GPC5: variants seen among roughly 807,000 people sequenced by gnomAD.
The protein encoded by GPC5 is glypican-5.
A neutral mutation model predicts 53.9 loss-of-function variants in GPC5; 47 were observed. The ratio of observed to expected loss-of-function variants is 0.87; its 90% CI spans 0.69 to 1.11. The LOEUF (loss-of-function observed/expected upper bound fraction) is 1.11. GPC5 is among the 50% of genes most tolerant of loss of function. The pLI is 0.00. For synonymous variants in GPC5, 286 were observed against 263.3 expected (o/e 1.09, Z -0.84); for missense variants, 748 against 713.1 (o/e 1.05, Z -0.56).
At chr13:91,407,772 G>A (rs1001541034) in intron 1 of GPC5, among the ~76,000 whole-genome samples, 1 of 152,070 alleles carries the variant, frequency 6.6e-6, no homozygotes, top group East Asian at 1.9e-4. Flanking sequence ...ATCAACCAGA[G>A]GGACCACAGT....
intron 7 of GPC5, among the ~76,000 whole-genome samples, chr13:92,600,271 T>C (rs1315029333): frequency 1.3e-5 from 2 of 152,208 alleles, no homozygotes; most frequent in Non-Finnish European, 2.9e-5. Flanking sequence ...TATTTCATCA[T>C]CTTGTATGTG....
At chr13:92,422,509 C>G in intron 7 of GPC5, among the ~76,000 whole-genome samples, 1 of 150,668 alleles carries the variant, frequency 6.6e-6, no homozygotes, top group East Asian at 2.0e-4. Context: ...CACACACACA[C>G]ACACACACAC....
At chr13:92,726,230 T>G (rs763338269) in intron 7 of GPC5, among the ~76,000 whole-genome samples, 2 of 151,574 alleles carry the variant, frequency 1.3e-5, no homozygotes, top group Non-Finnish European at 3.0e-5. Flanking sequence ...CCCATCATGA[T>G]CTCCTGAAAC....
At chr13:92,606,494 A>T (rs1371472702) in intron 7 of GPC5, among the ~76,000 whole-genome samples, 1 of 152,194 alleles carries the variant, frequency 6.6e-6, no homozygotes, top group Non-Finnish European at 1.5e-5. Context: ...TCATTTGTGG[A>T]CATTTGGGTT....
chr13:91,484,718 G>C (rs1883494803), intron 2 of GPC5, among the ~76,000 whole-genome samples: 1 of 152,090 alleles, frequency 6.6e-6, no homozygotes, highest in African/African-American at 2.4e-5. Context: ...ATAACTTTTA[G>C]TTTTAAAATA....
chr13:92,479,292 G>C (rs1879264046), intron 7 of GPC5, among the ~76,000 whole-genome samples: 1 of 152,182 alleles, frequency 6.6e-6, no homozygotes. Flanking sequence ...TGACTAAGGA[G>C]ATGCAAGGAG....
intron 6 of GPC5, among the ~76,000 whole-genome samples, chr13:91,965,486 C>T (rs1044261554): frequency 6.6e-5 from 10 of 152,162 alleles, no homozygotes; most frequent in African/African-American, 2.2e-4. Flanking sequence ...CCCAGTTTTT[C>T]TCTCTGTATA....
intron 7 of GPC5, among the ~76,000 whole-genome samples, chr13:92,737,168 G>A (rs1888957957): frequency 6.6e-6 from 1 of 152,012 alleles, no homozygotes; most frequent in African/African-American, 2.4e-5. Context: ...TGTACAGACA[G>A]CGAGTATATA....
chr13:92,236,852 T>TG (rs2042574155), intron 7 of GPC5, among the ~76,000 whole-genome samples: 1 of 152,048 alleles, frequency 6.6e-6, no homozygotes, highest in Middle Eastern at 3.4e-3. Context: ...CAGCATTTTT[T>TG]TTTTGTTTTG....
At chr13:91,687,092 G>A (rs984793559) in intron 2 of GPC5, among the ~76,000 whole-genome samples, 2 of 151,584 alleles carry the variant, frequency 1.3e-5, no homozygotes, top group Admixed American at 6.6e-5. Flanking sequence ...ATATTAAAAG[G>A]GTCATAAAAT....
chr13:92,627,677 T>C (rs73623431), intron 7 of GPC5, among the ~76,000 whole-genome samples: 38,838 of 152,128 alleles, frequency 0.26, 5,144 homozygotes, highest in African/African-American at 0.31. Flanking sequence ...AAGGTTTCTT[T>C]TTTGTTTACA....
intron 5 of GPC5, among the ~76,000 whole-genome samples, chr13:91,805,389 A>C (rs2038204135): frequency 6.6e-6 from 1 of 152,188 alleles, no homozygotes. Context: ...GGAAAGGAAA[A>C]TATAATATTT....
At chr13:92,682,684 CAA>C (rs1436581995) in intron 7 of GPC5, among the ~76,000 whole-genome samples, 1 of 152,024 alleles carries the variant, frequency 6.6e-6, no homozygotes, top group African/African-American at 2.4e-5. Context: ...CATGATAGAA[CAA>C]AAGATCTATA....
rs534149539 is a variant in GPC5 at position 92,085,859 on chromosome 13, CA to C, written c.1402-58970del. Among the ~76,000 whole-genome samples the C allele has an allele frequency of 2.0e-5, 3 of 152,160 alleles. No individual in the cohort carries two copies. In the East Asian group the frequency reaches 5.8e-4, roughly 29 times the overall value. On this transcript the variant is annotated intron_variant, in intron 6 of 7. Transcript: ENST00000377067. ...TGCTGATCTGACAGGAGGAGGAGCT[CA>C]GGGGGTAACAAGAGCCATGAGGAGC...
At chr13:91,826,467 C>A (rs1488935288) in intron 5 of GPC5, among the ~76,000 whole-genome samples, 1 of 151,930 alleles carries the variant, frequency 6.6e-6, no homozygotes, top group Non-Finnish European at 1.5e-5. Context: ...GAGGTCAATT[C>A]TCCCCTAAAT....
intron 2 of GPC5, among the ~76,000 whole-genome samples, chr13:91,690,887 G>A (rs2035743138): frequency 6.6e-6 from 1 of 152,160 alleles, no homozygotes; most frequent in Non-Finnish European, 1.5e-5. Flanking sequence ...CTGTGATATA[G>A]GGTATCTTTG....
intron 7 of GPC5, among the ~76,000 whole-genome samples, chr13:92,562,717 T>A (rs1023919464): frequency 3.3e-5 from 5 of 152,024 alleles, no homozygotes; most frequent in African/African-American, 9.7e-5. Context: ...TATTTTCAAA[T>A]AACTATTCTG....
intron 7 of GPC5, among the ~76,000 whole-genome samples, chr13:92,681,103 T>A (rs1389318768): frequency 6.6e-6 from 1 of 151,900 alleles, no homozygotes; most frequent in Non-Finnish European, 1.5e-5. Flanking sequence ...ACCATCTCTG[T>A]ATCTAGTAGC....
intron 7 of GPC5, among the ~76,000 whole-genome samples, chr13:92,314,746 T>A (rs949191682): frequency 6.6e-6 from 1 of 152,184 alleles, no homozygotes; most frequent in African/African-American, 2.4e-5. Flanking sequence ...ACTGAGTAAG[T>A]GTCCAGAAGA....
Sources: allele counts gnomAD v4.1 joint callset (sites outside exome capture counted in the v4.1 genomes callset), GRCh38; gene constraint gnomAD v4.1.1; transcripts MANE v1.5; gene names NCBI Gene and HGNC (gene_info 2026-07-23, HGNC 2026-07-21).